Variants in PABPC4L observed in about 807,000 individuals in gnomAD.
PABPC4L encodes poly(A) binding protein cytoplasmic 4 like.
For synonymous variants in PABPC4L, 169 were observed against 164.1 expected (o/e 1.03, Z -0.23); for missense variants, 452 against 451.4 (o/e 1.00, Z -0.01).
At chr4:134,035,885 T>C in the PABPC4L span, among the ~76,000 whole-genome samples, 1 of 152,060 alleles carries the variant, frequency 6.6e-6, no homozygotes, top group Non-Finnish European at 1.5e-5. Flanking sequence ...TTTGCTTGTT[T>C]TTCTTATTTT....
the PABPC4L span, among the ~76,000 whole-genome samples, chr4:134,108,950 C>T: frequency 1.3e-5 from 2 of 151,886 alleles, no homozygotes; most frequent in African/African-American, 4.8e-5. Context: ...CTGAACTTTA[C>T]CCCATGGACA....
At chr4:134,009,794 A>G in the PABPC4L span, among the ~76,000 whole-genome samples, 2 of 152,004 alleles carry the variant, frequency 1.3e-5, no homozygotes, top group South Asian at 4.1e-4. Flanking sequence ...CTTTTCCCCA[A>G]TAGAGGGAAT....
chr4:134,120,358 G>T, the PABPC4L span, among the ~76,000 whole-genome samples: 1 of 143,640 alleles, frequency 7.0e-6, no homozygotes, highest in African/African-American at 2.5e-5. Context: ...GGCTATTATT[G>T]ATAATTAATT....
At chr4:134,022,857 T>A in the PABPC4L span, among the ~76,000 whole-genome samples, 549 of 152,128 alleles carry the variant, frequency 3.6e-3, 2 homozygotes, top group African/African-American at 0.012. Flanking sequence ...GCTTATTATG[T>A]TCTTTATTTT....
At chr4:134,115,901 G>C in the PABPC4L span, among the ~76,000 whole-genome samples, 2 of 151,634 alleles carry the variant, frequency 1.3e-5, no homozygotes, top group African/African-American at 4.8e-5. Context: ...GAAAAATGGT[G>C]TTTTTATAGA....
the PABPC4L span, among the ~76,000 whole-genome samples, chr4:134,133,402 A>G: frequency 2.1e-5 from 3 of 144,096 alleles, no homozygotes; most frequent in Non-Finnish European, 4.5e-5. Context: ...AATAAATATT[A>G]TATATTATTA....
At chr4:134,035,065 C>T in the PABPC4L span, among the ~76,000 whole-genome samples, 2 of 151,980 alleles carry the variant, frequency 1.3e-5, no homozygotes, top group African/African-American at 2.4e-5. Context: ...GCAACCACCA[C>T]TCTCATCAGT....
chr4:133,994,280 C>T, the PABPC4L span, among the ~76,000 whole-genome samples: 9 of 152,070 alleles, frequency 5.9e-5, no homozygotes, highest in Non-Finnish European at 8.8e-5. Flanking sequence ...ATTTCTCTCC[C>T]TTTAAAGGCC....
chr4:134,079,983 A>T, the PABPC4L span, among the ~76,000 whole-genome samples: 3 of 152,012 alleles, frequency 2.0e-5, no homozygotes, highest in African/African-American at 7.2e-5. Context: ...ATTTTTTTCC[A>T]TTTTATTTCT....
chr4:134,047,797 A>G, the PABPC4L span, among the ~76,000 whole-genome samples: 1 of 121,368 alleles, frequency 8.2e-6, no homozygotes, highest in Admixed American at 9.6e-5. Context: ...TTTTTTCTCT[A>G]CAGCTGCACC....
At chr4:133,971,235 CGG>C in the PABPC4L span, among the ~76,000 whole-genome samples, 1 of 151,196 alleles carries the variant, frequency 6.6e-6, no homozygotes, top group Admixed American at 6.6e-5. Flanking sequence ...CCTCAGCCTC[CGG>C]AGTAGCTAAG....
rs561599780 is a variant in PABPC4L, at chr4:134,199,414, A to G, written c.*493T>C. 1 of 152,374 alleles carries G rather than the reference A, an allele frequency of 6.6e-6. No individual in the cohort carries two copies. The highest frequency in any genetic ancestry group is 1.9e-4 in the East Asian group (1 of 5,180). The allele number at this position is 152,374 out of a possible 1,614,324, so 9.4% of individuals were successfully genotyped here. A position where few individuals can be genotyped will look rare whatever the true frequency, so the allele number is the denominator to read the frequency against. ...TAATTCAAAATGAAATTAGGTCTTT[A>G]AATTCGTACTATAAATTTCTAAAAG... On this transcript the variant is annotated 3_prime_UTR_variant, in exon 2 of 2. Coordinates refer to ENST00000421491, the MANE Select transcript of PABPC4L (RefSeq NM_001114734.2).
the PABPC4L span, among the ~76,000 whole-genome samples, chr4:134,189,936 T>G: frequency 1.3e-5 from 2 of 152,052 alleles, no homozygotes; most frequent in African/African-American, 4.8e-5. Flanking sequence ...AATACTGTCT[T>G]CCCCTTACCT....
the PABPC4L span, among the ~76,000 whole-genome samples, chr4:134,068,653 G>A: frequency 6.6e-6 from 1 of 151,820 alleles, no homozygotes; most frequent in Non-Finnish European, 1.5e-5. Context: ...TGGCTATTAG[G>A]TGTTTTTCCT....
the PABPC4L span, among the ~76,000 whole-genome samples, chr4:133,965,421 G>A: frequency 8.6e-5 from 13 of 151,768 alleles, no homozygotes; most frequent in African/African-American, 3.1e-4. Context: ...TTCAATGCAA[G>A]CCCCATCAAA....
At chr4:134,149,211 C>T in the PABPC4L span, among the ~76,000 whole-genome samples, 2 of 152,068 alleles carry the variant, frequency 1.3e-5, no homozygotes, top group Non-Finnish European at 2.9e-5. Flanking sequence ...AAAACACATA[C>T]CCGTTCCCAA....
chr4:134,007,800 A>C, the PABPC4L span, among the ~76,000 whole-genome samples: 1 of 151,708 alleles, frequency 6.6e-6, no homozygotes, highest in Admixed American at 6.6e-5. Flanking sequence ...CAAGTTAATA[A>C]ATTTACTAAA....
chr4:134,200,288 C>T lies in PABPC4L; in HGVS notation c.732G>A (p.Lys244=), dbSNP rs759178994. ...FVSFDSHEAA[K]KAVEEMNGRD... Reference sequence around the variant, plus strand: ...TTCCATTCATTTCTTCAACAGCTTTCTTGGCAGCCTCATGGCTATCAAAAC... The same window carrying T: ...TTCCATTCATTTCTTCAACAGCTTTTTTGGCAGCCTCATGGCTATCAAAAC... The change falls in exon 2 of 2, where the codon AAG becomes AAA. Residue 244 remains lysine (K), a synonymous_variant. Transcript: ENST00000421491. 1 of 1,573,906 alleles carries T rather than the reference C, an allele frequency of 6.4e-7. No individual in the cohort carries two copies. The highest frequency in any genetic ancestry group is 8.6e-7 in the Non-Finnish European group (1 of 1,158,306).
chr4:133,968,585 T>C, the PABPC4L span, among the ~76,000 whole-genome samples: 1 of 152,132 alleles, frequency 6.6e-6, no homozygotes, highest in African/African-American at 2.4e-5. Flanking sequence ...GTGGCTCCAG[T>C]TGTGAATACA....
Sources: gnomAD v4.1 joint callset for allele counts (sites outside exome capture counted in the v4.1 genomes callset) on GRCh38, gnomAD v4.1.1 for gene constraint, MANE v1.5 for transcripts, NCBI Gene and HGNC (gene_info 2026-07-23, HGNC 2026-07-21) for gene names.